Variants in PXDNL observed in about 807,000 individuals in gnomAD.
PXDNL encodes probable oxidoreductase PXDNL.
PXDNL carries 145 observed loss-of-function variants against 150.8 expected under a neutral mutation model. The observed-to-expected ratio is 0.96, with a 90% confidence interval of 0.84 to 1.10. The LOEUF is 1.10. PXDNL is among the 50% of genes least tolerant of loss of function. The pLI is 0.00. For synonymous variants in PXDNL, 757 were observed against 725.7 expected, an observed-to-expected ratio of 1.04 and a Z score of -0.69; for missense variants, 2,087 against 1,873.9, an observed-to-expected ratio of 1.11 and a Z score of -2.10.
chr8:51,572,520 GA>G (rs1414115581), intron 3 of PXDNL, among the ~76,000 whole-genome samples: 3 of 151,892 alleles, frequency 2.0e-5, no homozygotes, highest in African/African-American at 4.8e-5. Flanking sequence ...CATGGAGACT[GA>G]AAGTAGAATG....
chr8:51,459,267 G>T (rs981729356), intron 8 of PXDNL, among the ~76,000 whole-genome samples: 1 of 152,176 alleles, frequency 6.6e-6, no homozygotes, highest in Non-Finnish European at 1.5e-5. Context: ...CATTCAAGGG[G>T]CTCATTTAGT....
intron 4 of PXDNL, among the ~76,000 whole-genome samples, chr8:51,547,526 A>G (rs1381584337): frequency 6.6e-6 from 1 of 152,200 alleles, no homozygotes; most frequent in Non-Finnish European, 1.5e-5. Flanking sequence ...GACTCTTTGC[A>G]GACATTCTCC....
chr8:51,379,495 T>C (rs930239710), intron 17 of PXDNL, among the ~76,000 whole-genome samples: 5 of 148,606 alleles, frequency 3.4e-5, no homozygotes, highest in Admixed American at 3.3e-4. Flanking sequence ...CTGAAATGTG[T>C]ATTTATACTT....
chr8:51,803,499 G>A (rs1222325111), intron 1 of PXDNL, among the ~76,000 whole-genome samples: 4 of 152,004 alleles, frequency 2.6e-5, no homozygotes, highest in South Asian at 4.2e-4. Flanking sequence ...CTGCCACCTC[G>A]AGCTCTGACA....
intron 9 of PXDNL, among the ~76,000 whole-genome samples, chr8:51,456,317 C>T (rs761578281): frequency 1.1e-4 from 17 of 152,282 alleles, no homozygotes; most frequent in Non-Finnish European, 2.1e-4. Context: ...TCTGTCTTCC[C>T]TATGCTGTCT....
chr8:51,443,379 G>C (rs945040422), intron 12 of PXDNL, among the ~76,000 whole-genome samples: 2 of 151,990 alleles, frequency 1.3e-5, no homozygotes, highest in South Asian at 4.1e-4. Flanking sequence ...TGAAAACAAA[G>C]AGCTAAAAGG....
chr8:51,460,844 C>G (rs566012593), intron 8 of PXDNL, among the ~76,000 whole-genome samples: 1 of 152,262 alleles, frequency 6.6e-6, no homozygotes, highest in Non-Finnish European at 1.5e-5. Flanking sequence ...CAAAATGTGA[C>G]CATAGGTGCC....
At chr8:51,527,435 T>G (rs1422526308) in intron 4 of PXDNL, among the ~76,000 whole-genome samples, 1 of 152,152 alleles carries the variant, frequency 6.6e-6, no homozygotes, top group East Asian at 1.9e-4. Flanking sequence ...ATTGTAGACC[T>G]CCACCAGAAT....
At chr8:51,360,817 T>C (rs1806709607) in intron 19 of PXDNL, among the ~76,000 whole-genome samples, 1 of 152,268 alleles carries the variant, frequency 6.6e-6, no homozygotes, top group South Asian at 2.1e-4. Context: ...TGGCTGTTTC[T>C]GTACCTCACT....
chr8:51,326,246 C>T (rs990187579), intron 21 of PXDNL, among the ~76,000 whole-genome samples: 1 of 152,118 alleles, frequency 6.6e-6, no homozygotes, highest in Non-Finnish European at 1.5e-5. Flanking sequence ...GCCTGTAGTC[C>T]CAGCACTTTG....
At chr8:51,543,507 T>C (rs1352346883) in intron 4 of PXDNL, among the ~76,000 whole-genome samples, 1 of 151,634 alleles carries the variant, frequency 6.6e-6, no homozygotes, top group Admixed American at 6.6e-5. Flanking sequence ...GGTCAGGAGA[T>C]TGAGACAATC....
chr8:51,490,659 C>T (rs1336876716), intron 5 of PXDNL, among the ~76,000 whole-genome samples: 1 of 148,942 alleles, frequency 6.7e-6, no homozygotes, highest in Non-Finnish European at 1.5e-5. Flanking sequence ...TATATATACA[C>T]ATATATACAT....
At chr8:51,568,847 GTCA>G (rs1239987087) in intron 3 of PXDNL, among the ~76,000 whole-genome samples, 1 of 151,608 alleles carries the variant, frequency 6.6e-6, no homozygotes, top group East Asian at 1.9e-4. Flanking sequence ...TATCACCAAG[GTCA>G]CTGATTCTTT....
At chr8:51,491,209 T>C (rs1222396714) in intron 5 of PXDNL, among the ~76,000 whole-genome samples, 1 of 152,178 alleles carries the variant, frequency 6.6e-6, no homozygotes, top group Admixed American at 6.5e-5. Flanking sequence ...AATGGTCTAT[T>C]GTGGGACCCT....
In PXDNL at chr8:51,408,262, T is replaced by A; in HGVS notation, c.3362A>T (p.Glu1121Val). Residue 1121 changes from glutamate to valine, a missense_variant, in exon 17 of 23, where the codon GAG becomes GTG. Coordinates refer to ENST00000356297, the MANE Select transcript of PXDNL (RefSeq NM_144651.5). Reference protein sequence around the residue: ...WRAPSYLLSPELTQRLFSAAY... With the variant: ...WRAPSYLLSPVLTQRLFSAAY... ...CGCGGAGAAGAGCCTCTGGGTCAGC[T>A]CAGGACTGAGAAGGTAGGAGGGTGC... 6.2e-7 allele frequency: 1 copy of A among 1,613,958 alleles called. No homozygotes were observed. The highest frequency in any genetic ancestry group is 8.5e-7 in the Non-Finnish European group (1 of 1,179,888).
intron 2 of PXDNL, among the ~76,000 whole-genome samples, chr8:51,615,956 T>A (rs1814121537): frequency 6.6e-6 from 1 of 152,104 alleles, no homozygotes; most frequent in South Asian, 2.1e-4. Context: ...CATGCAAGTG[T>A]CACCTGCCCT....
chr8:51,368,525 T>C (rs373728815), intron 19 of PXDNL, among the ~76,000 whole-genome samples: 1 of 149,520 alleles, frequency 6.7e-6, no homozygotes, highest in African/African-American at 2.5e-5. Flanking sequence ...AAACAAAAAA[T>C]GAAAAAAAAA....
chr8:51,583,234 G>A (rs993929344), intron 3 of PXDNL, among the ~76,000 whole-genome samples: 2 of 152,120 alleles, frequency 1.3e-5, no homozygotes, highest in Admixed American at 6.6e-5. Flanking sequence ...AGTTCAGCAG[G>A]TTGTATGAGG....
chr8:51,779,671 T>C (rs564479121), intron 1 of PXDNL, among the ~76,000 whole-genome samples: 1 of 152,338 alleles, frequency 6.6e-6, no homozygotes, highest in African/African-American at 2.4e-5. Context: ...AAATTCTATC[T>C]CATGGATTCC....
Sources: allele counts gnomAD v4.1 joint callset (sites outside exome capture counted in the v4.1 genomes callset), GRCh38; gene constraint gnomAD v4.1.1; transcripts MANE v1.5; gene names NCBI Gene and HGNC (gene_info 2026-07-23, HGNC 2026-07-21).